The following KRTAP10-1 variants were observed in gnomAD, a reference collection of about 807,000 sequenced individuals.
KRTAP10-1 encodes the protein keratin-associated protein 10-1.
For missense variants in KRTAP10-1, 364 were observed against 369.2 expected, an observed-to-expected ratio of 0.99 and a Z score of 0.12; for synonymous variants, 155 against 153.3, an observed-to-expected ratio of 1.01 and a Z score of -0.08.
chr21:44,539,577 C>T lies in KRTAP10-1; in HGVS notation c.574G>A (p.Val192Ile), dbSNP rs782718941. Residue 192 changes from valine (V) to isoleucine (I), a missense_variant, in exon 1 of 1, where the codon GTC becomes ATC. Val to Ile is a conservative substitution (Grantham distance 29, BLOSUM62 3). Coordinates refer to ENST00000400375, the MANE Select transcript of KRTAP10-1 (RefSeq NM_198691.3). ...ACCVPVRCKP[V>I]CCKPICCVPV... Reference sequence around the variant, plus strand: ...ACACAGCAGATGGGCTTGCAGCAGACAGGCTTGCAACGGACGGGCACGCAG... The same window carrying T: ...ACACAGCAGATGGGCTTGCAGCAGATAGGCTTGCAACGGACGGGCACGCAG... 5.0e-6 allele frequency: 8 copies of T among 1,613,606 alleles called. No homozygotes were observed. Among genetic ancestry groups the T allele is most frequent in the Middle Eastern group, 1.7e-4 (1 of 6,058 alleles).
Position 44,539,788 on chromosome 21 carries a change from G to A in KRTAP10-1, c.363C>T (p.Cys121=). The A allele has an allele frequency of 6.2e-7, 1 of 1,612,442 alleles. No individual in the cohort carries two copies. ...TTGGCTGGCAGCTAGACTGCTGGCA[G>A]CATGAAGAGGAATCCTTAGAGCAGG... ...LPTCSKDSSS[C]CQQSSCQPTC... The change falls in exon 1 of 1, where the codon TGC becomes TGT. Residue 121 remains cysteine (C), a synonymous_variant. Transcript: ENST00000400375.
chr21:44,540,158 TG>T lies in KRTAP10-1; in HGVS notation c.-9del. Reference sequence around the variant, plus strand: ...CATGGTGGACGCGGCCATGCTGGGGTGGGGAGGAGGTGAGCTGCGGGAGGTG... The same window carrying T: ...CATGGTGGACGCGGCCATGCTGGGGTGGGAGGAGGTGAGCTGCGGGAGGTG... On this transcript the variant is annotated 5_prime_UTR_variant, in exon 1 of 1. Coordinates refer to ENST00000400375, the MANE Select transcript of KRTAP10-1 (RefSeq NM_198691.3). 6.2e-7 allele frequency: 1 copy of T among 1,609,702 alleles called. No individual in the cohort carries two copies. The highest frequency in any genetic ancestry group is 1.1e-5 in the South Asian group (1 of 90,476).
Sources: allele counts gnomAD v4.1 joint callset, GRCh38; gene constraint gnomAD v4.1.1; transcripts MANE v1.5; gene names NCBI Gene and HGNC (gene_info 2026-07-23, HGNC 2026-07-21).